GPC3: variants seen among roughly 807,000 people sequenced by gnomAD.
The protein encoded by GPC3 is glypican 3, also known as glypican-3.
A neutral mutation model predicts 34.4 loss-of-function variants in GPC3; 3 were observed. The ratio of observed to expected loss-of-function variants is 0.09; its 90% CI spans 0.04 to 0.23. GPC3 has a LOEUF of 0.23. GPC3 is among the 10% of genes least tolerant of loss of function. GPC3 has a pLI of 1.00. For synonymous variants in GPC3, 177 were observed against 174.0 expected (o/e 1.02, Z -0.13); for missense variants, 351 against 445.6 (o/e 0.79, Z 1.91).
chrX:133,643,831 G>GTTTTTTTTTTTTTTTT (rs778326133), intron 6 of GPC3, among the ~76,000 whole-genome samples: 1 of 97,012 alleles, frequency 1.0e-5, no homozygotes, highest in Admixed American at 1.1e-4. Flanking sequence ...TTGTTTTTAT[G>GTTTTTTTTTTTTTTTT]TTTTTTTTTT....
At chrX:133,583,728 G>T (rs2069756050) in intron 7 of GPC3, among the ~76,000 whole-genome samples, 1 of 112,001 alleles carries the variant, frequency 8.9e-6, no homozygotes, top group African/African-American at 3.2e-5. Context: ...GTTTCTCAGG[G>T]CAATCCATTC....
intron 2 of GPC3, among the ~76,000 whole-genome samples, chrX:133,951,275 C>T (rs2076392241): frequency 9.1e-6 from 1 of 110,272 alleles, no homozygotes; most frequent in African/African-American, 3.3e-5. Context: ...CACATTTTTG[C>T]AGATCTAGAA....
intron 6 of GPC3, among the ~76,000 whole-genome samples, chrX:133,622,313 C>T (rs903351947): frequency 2.5e-4 from 28 of 112,135 alleles, no homozygotes; most frequent in African/African-American, 8.1e-4. Flanking sequence ...ATGACTTTGA[C>T]GATTTGAGAG....
intron 2 of GPC3, among the ~76,000 whole-genome samples, chrX:133,862,123 C>T (rs151249456): frequency 0.018 from 1,992 of 108,475 alleles, 52 homozygotes; most frequent in African/African-American, 0.064. Context: ...ACTGTCTACT[C>T]TACTCTTGAA....
chrX:133,896,817 C>A (rs1392517006), intron 2 of GPC3, among the ~76,000 whole-genome samples: 1 of 110,957 alleles, frequency 9.0e-6, no homozygotes, highest in African/African-American at 3.3e-5. Context: ...GCTGCTGGAG[C>A]TCTGTTCATA....
chrX:133,888,054 C>G (rs192564817), intron 2 of GPC3, among the ~76,000 whole-genome samples: 246 of 109,933 alleles, frequency 2.2e-3, no homozygotes, highest in African/African-American at 7.6e-3. Context: ...GGTATTTCTC[C>G]TAATGTTGTC....
chrX:133,825,728 G>A (rs1385857610), intron 2 of GPC3, among the ~76,000 whole-genome samples: 1 of 111,872 alleles, frequency 8.9e-6, no homozygotes, highest in African/African-American at 3.3e-5. Context: ...GCTCATCCTC[G>A]GGAAAGACCT....
intron 3 of GPC3, among the ~76,000 whole-genome samples, chrX:133,707,565 A>G (rs2071229199): frequency 2.7e-5 from 3 of 111,289 alleles, no homozygotes; most frequent in East Asian, 2.8e-4. Flanking sequence ...TAGATGATTG[A>G]TAATGATGAC....
At chrX:133,945,579 T>A (rs1185095726) in intron 2 of GPC3, among the ~76,000 whole-genome samples, 17 of 108,664 alleles carry the variant, frequency 1.6e-4, no homozygotes, top group Non-Finnish European at 5.7e-5. Flanking sequence ...CACACTACCA[T>A]AAAGAAGTGA....
At chrX:133,763,077 G>T in intron 2 of GPC3, 3 of 642,178 alleles carry the variant, frequency 4.7e-6, no homozygotes, top group Non-Finnish European at 7.7e-6. Context: ...CTGCTGCCAT[G>T]GGAGCCACTC....
At chrX:133,981,640 C>T (rs2076539759) in intron 1 of GPC3, among the ~76,000 whole-genome samples, 1 of 112,232 alleles carries the variant, frequency 8.9e-6, no homozygotes, top group Non-Finnish European at 1.9e-5. Flanking sequence ...CCACACCTCA[C>T]TTATTATTCT....
At chrX:133,697,745 G>T (rs1363517224) in intron 4 of GPC3, among the ~76,000 whole-genome samples, 1 of 112,493 alleles carries the variant, frequency 8.9e-6, no homozygotes. Flanking sequence ...AGGGCAGAAT[G>T]ACTTGTACCA....
chrX:133,700,714 A>C (rs1479359885), intron 3 of GPC3, among the ~76,000 whole-genome samples: 1 of 110,248 alleles, frequency 9.1e-6, no homozygotes, highest in Non-Finnish European at 1.9e-5. Context: ...CAGTCTCTGC[A>C]AAAAATAAAA....
At position 133,949,388 on chromosome X, in the gene GPC3, C is replaced by T. The variant is rs2076382773; in HGVS notation, c.337+3662G>A. On this transcript the variant is annotated intron_variant, in intron 2 of 7. Coordinates refer to ENST00000370818, the MANE Select transcript of GPC3 (RefSeq NM_004484.4). ...CCCCAAGTGCCACATTTAGTGAGTT[C>T]TTGGATCCCCCCCTAGAAAGCCAGA... Among the ~76,000 whole-genome samples the T allele has an allele frequency of 5.4e-5, 6 of 111,344 alleles. No homozygotes were observed. In the South Asian group the frequency reaches 2.3e-3, roughly 43 times the overall value.
chrX:133,907,379 C>T (rs1457639120), intron 2 of GPC3, among the ~76,000 whole-genome samples: 2 of 109,811 alleles, frequency 1.8e-5, no homozygotes, highest in Non-Finnish European at 3.8e-5. Context: ...TATTTCTAGA[C>T]ACAATAGGGC....
At chrX:133,795,148 A>C (rs1321957862) in intron 2 of GPC3, among the ~76,000 whole-genome samples, 1 of 112,663 alleles carries the variant, frequency 8.9e-6, no homozygotes, top group Non-Finnish European at 1.9e-5. Context: ...TGGATCATGT[A>C]ATGTTTTTGA....
chrX:133,781,751 C>T (rs2072047144), intron 2 of GPC3, among the ~76,000 whole-genome samples: 1 of 111,366 alleles, frequency 9.0e-6, no homozygotes, highest in Non-Finnish European at 1.9e-5. Flanking sequence ...TTAGTCTCCA[C>T]TCCTACCCTT....
At chrX:133,941,529 C>T (rs1015904575) in intron 2 of GPC3, among the ~76,000 whole-genome samples, 2 of 112,328 alleles carry the variant, frequency 1.8e-5, no homozygotes, top group African/African-American at 3.2e-5. Flanking sequence ...TTTTGATCCT[C>T]AAGAGCTCCA....
intron 2 of GPC3, among the ~76,000 whole-genome samples, chrX:133,845,460 C>A (rs1448712826): frequency 1.8e-5 from 2 of 111,234 alleles, no homozygotes; most frequent in Non-Finnish European, 3.8e-5. Flanking sequence ...AAGTCTACTT[C>A]TCAGACACTC....
Sources: allele counts gnomAD v4.1 joint callset (sites outside exome capture counted in the v4.1 genomes callset), GRCh38; gene constraint gnomAD v4.1.1; transcripts MANE v1.5; gene names NCBI Gene and HGNC (gene_info 2026-07-23, HGNC 2026-07-21).